Variants in CTNNA2 observed in about 807,000 individuals in gnomAD.
CTNNA2 encodes catenin alpha 2.
CTNNA2 carries 42 observed loss-of-function variants against 101.0 expected under a neutral mutation model. That is an observed-to-expected ratio of 0.42 (90% CI 0.32 to 0.54). CTNNA2 has a LOEUF of 0.54. Among genes scored for constraint, CTNNA2 ranks in the 20% least tolerant of loss-of-function variants. CTNNA2 has a pLI of 0.14. For synonymous variants in CTNNA2, 450 were observed against 456.4 expected, an observed-to-expected ratio of 0.99 and a Z score of 0.18; for missense variants, 871 against 1,223.1, an observed-to-expected ratio of 0.71 and a Z score of 4.29.
intron 3 of CTNNA2, among the ~76,000 whole-genome samples, chr2:79,804,618 A>G (rs1285564140): frequency 6.6e-6 from 1 of 152,134 alleles, no homozygotes; most frequent in Non-Finnish European, 1.5e-5. Context: ...AAATGTGAGC[A>G]TAGATTATTC....
chr2:79,848,181 A>G (rs896469803), intron 3 of CTNNA2, among the ~76,000 whole-genome samples: 2 of 152,222 alleles, frequency 1.3e-5, no homozygotes, highest in Non-Finnish European at 1.5e-5. Flanking sequence ...AACTTACAAT[A>G]GGTTTTCTTT....
intron 9 of CTNNA2, among the ~76,000 whole-genome samples, chr2:80,495,080 C>T (rs1009743251): frequency 2.5e-4 from 38 of 152,148 alleles, no homozygotes; most frequent in South Asian, 6.2e-4. Flanking sequence ...AAATGATGAC[C>T]TGTTGGGGAT....
intron 9 of CTNNA2, among the ~76,000 whole-genome samples, chr2:80,462,572 T>C (rs577327418): frequency 6.6e-6 from 1 of 151,980 alleles, no homozygotes; most frequent in South Asian, 2.1e-4. Context: ...TAGGTACAAT[T>C]TTCTATCTCT....
chr2:80,242,386 C>A (rs563050866), intron 7 of CTNNA2, among the ~76,000 whole-genome samples: 1 of 152,184 alleles, frequency 6.6e-6, no homozygotes, highest in Non-Finnish European at 1.5e-5. Flanking sequence ...TCTATGACAA[C>A]CCACACAGCA....
At chr2:80,462,593 T>G in intron 9 of CTNNA2, among the ~76,000 whole-genome samples, 1 of 151,296 alleles carries the variant, frequency 6.6e-6, no homozygotes, top group East Asian at 2.0e-4. Flanking sequence ...CTTATGTATC[T>G]CATTTTTCTC....
At chr2:79,525,633 A>T (rs955272930) in intron 1 of CTNNA2, among the ~76,000 whole-genome samples, 6 of 152,016 alleles carry the variant, frequency 3.9e-5, no homozygotes, top group East Asian at 1.9e-4. Flanking sequence ...TACCAACCTA[A>T]TAAGTTAGCT....
chr2:80,086,469 T>G (rs1195020996), intron 7 of CTNNA2, among the ~76,000 whole-genome samples: 1 of 152,212 alleles, frequency 6.6e-6, no homozygotes, highest in African/African-American at 2.4e-5. Flanking sequence ...CCAGAAATTC[T>G]TGGTCAGAGA....
chr2:80,026,671 C>T (rs1350821021), intron 7 of CTNNA2, among the ~76,000 whole-genome samples: 4 of 152,070 alleles, frequency 2.6e-5, no homozygotes, highest in African/African-American at 9.7e-5. Context: ...GTCATAATCA[C>T]GGAACTATAA....
At chr2:80,148,693 C>T (rs528308910) in intron 7 of CTNNA2, among the ~76,000 whole-genome samples, 21 of 152,170 alleles carry the variant, frequency 1.4e-4, no homozygotes, top group African/African-American at 3.4e-4. Context: ...AGTTTATGAA[C>T]GTATGCCATA....
At chr2:79,597,259 T>C (rs562091226) in intron 1 of CTNNA2, among the ~76,000 whole-genome samples, 2 of 151,874 alleles carry the variant, frequency 1.3e-5, no homozygotes, top group South Asian at 4.1e-4. Flanking sequence ...GATCACAAGG[T>C]CAGGAGATCG....
At chr2:80,386,893 G>A (rs992428755) in intron 7 of CTNNA2, among the ~76,000 whole-genome samples, 2 of 151,884 alleles carry the variant, frequency 1.3e-5, no homozygotes, top group African/African-American at 4.9e-5. Context: ...CCTGAAACAT[G>A]GTTGATGTGC....
At chr2:79,423,731 C>T (rs189078396) in intron 4 of CTNNA2, among the ~76,000 whole-genome samples, 153 of 152,282 alleles carry the variant, frequency 1.0e-3, no homozygotes, top group African/African-American at 3.2e-3. Flanking sequence ...TGGCTTTCAA[C>T]TTAGAGATAA....
At chr2:79,486,141 G>C (rs1334776631) in intron 4 of CTNNA2, among the ~76,000 whole-genome samples, 1 of 152,024 alleles carries the variant, frequency 6.6e-6, no homozygotes, top group African/African-American at 2.4e-5. Context: ...TGTTATATAT[G>C]TATACATGTG....
At chr2:79,975,266 T>A (rs554049753) in intron 7 of CTNNA2, among the ~76,000 whole-genome samples, 1 of 152,262 alleles carries the variant, frequency 6.6e-6, no homozygotes, top group East Asian at 1.9e-4. Flanking sequence ...TCATTCAGAG[T>A]CATCAAATCA....
chr2:80,552,287 C>A (rs1015465129), intron 11 of CTNNA2, among the ~76,000 whole-genome samples: 8 of 152,092 alleles, frequency 5.3e-5, no homozygotes, highest in Admixed American at 1.3e-4. Flanking sequence ...AACAGACTTG[C>A]TTGACGCAGA....
intron 1 of CTNNA2, among the ~76,000 whole-genome samples, chr2:79,192,213 G>A (rs2104162431): frequency 6.6e-6 from 1 of 152,232 alleles, no homozygotes; most frequent in East Asian, 1.9e-4. Context: ...TGTTGCTAAG[G>A]TTTCTCTGGG....
chr2:80,590,909 T>C (rs1265375143), intron 15 of CTNNA2, among the ~76,000 whole-genome samples: 1 of 152,210 alleles, frequency 6.6e-6, no homozygotes, highest in Non-Finnish European at 1.5e-5. Context: ...ATCAGACGAT[T>C]ATGGCAGCCT....
intron 9 of CTNNA2, among the ~76,000 whole-genome samples, chr2:80,421,825 A>C (rs962990249): frequency 6.6e-6 from 1 of 151,644 alleles, no homozygotes; most frequent in Admixed American, 6.6e-5. Context: ...AAAAAACCCA[A>C]ACTTGAACCA....
chr2:79,929,622 T>A (rs535679576), intron 7 of CTNNA2, among the ~76,000 whole-genome samples: 1 of 152,322 alleles, frequency 6.6e-6, no homozygotes, highest in Admixed American at 6.5e-5. Context: ...ACATTATCAC[T>A]TTCATAATTT....
Sources: allele counts gnomAD v4.1 joint callset (sites outside exome capture counted in the v4.1 genomes callset), GRCh38; gene constraint gnomAD v4.1.1; transcripts MANE v1.5; gene names NCBI Gene and HGNC (gene_info 2026-07-23, HGNC 2026-07-21).